Variants in CLDN2 observed in about 807,000 individuals in gnomAD.
CLDN2 encodes the protein claudin 2.
A neutral mutation model predicts 8.2 loss-of-function variants in CLDN2; 1 was observed. The ratio of observed to expected loss-of-function variants is 0.12; its 90% CI spans 0.04 to 0.58. The LOEUF (loss-of-function observed/expected upper bound fraction) is 0.58, where lower values mean the gene tolerates loss of function less well. Among genes scored for constraint, CLDN2 ranks in the 20% least tolerant of loss-of-function variants. CLDN2 has a pLI of 0.90. For synonymous variants in CLDN2, 70 were observed against 70.2 expected (o/e 1.00, Z 0.01); for missense variants, 108 against 172.9 (o/e 0.62, Z 2.11).
At chrX:106,915,652 A>G (rs1444493645), upstream of CLDN2, among the ~76,000 whole-genome samples, 2 of 111,260 alleles carry the variant, frequency 1.8e-5, no homozygotes, top group African/African-American at 3.3e-5. Context: ...AAGTCTGTGC[A>G]TTAGTGCTTA....
intron 1 of CLDN2, among the ~76,000 whole-genome samples, chrX:106,926,970 C>T (rs1197714712): frequency 9.3e-6 from 1 of 107,318 alleles, no homozygotes; most frequent in East Asian, 3.0e-4. Context: ...GTAGTCCCAG[C>T]TACTTGTGGG....
chrX:106,921,945 A>C (rs1219374879), intron 1 of CLDN2, among the ~76,000 whole-genome samples: 3 of 112,272 alleles, frequency 2.7e-5, no homozygotes, highest in African/African-American at 9.7e-5. Flanking sequence ...GCTGCTTCTA[A>C]TAACAGCTCT....
chrX:106,928,526 G>T lies in CLDN2; in HGVS notation c.298G>T (p.Val100Leu), dbSNP rs1285034346. 1.3e-5 allele frequency: 16 copies of T among 1,211,646 alleles called. No homozygotes were observed. The highest frequency in any genetic ancestry group is 1.7e-5 in the Non-Finnish European group (15 of 895,508). The change falls in exon 2 of 2, where the codon GTG becomes TTG. Residue 100 changes from valine to leucine, a missense_variant. Coordinates refer to ENST00000336803, the MANE Select transcript of CLDN2 (RefSeq NM_020384.4). ...ISSLACIISVVGMRCTVFCQE... is the reference protein window; with the variant it reads ...ISSLACIISVLGMRCTVFCQE... ...CTCCCTGGCCTGCATTATCTCTGTG[G>T]TGGGCATGAGATGCACAGTCTTCTG... is the stretch of plus-strand genomic sequence containing the variant.
chrX:106,914,424 TA>T (rs930515109), upstream of CLDN2, among the ~76,000 whole-genome samples: 1 of 111,247 alleles, frequency 9.0e-6, no homozygotes, highest in Non-Finnish European at 1.9e-5. Context: ...GAATTCTGCC[TA>T]AAAGGACTAT....
chrX:106,927,038 ATGCCAC>A (rs1248021945), intron 1 of CLDN2, among the ~76,000 whole-genome samples: 2 of 111,459 alleles, frequency 1.8e-5, no homozygotes, highest in Non-Finnish European at 3.8e-5. Flanking sequence ...AGCCGAGATC[ATGCCAC>A]TGCACTCCAG....
chrX:106,906,606 T>A (rs1039786978), intron 1 of CLDN2, among the ~76,000 whole-genome samples: 1 of 111,204 alleles, frequency 9.0e-6, no homozygotes, highest in African/African-American at 3.3e-5. Flanking sequence ...CTCAGTGCCA[T>A]GCCCCACTCC....
chrX:106,906,979 G>A (rs1034140063), intron 1 of CLDN2, among the ~76,000 whole-genome samples: 4 of 110,393 alleles, frequency 3.6e-5, no homozygotes, highest in Admixed American at 9.7e-5. Flanking sequence ...CAAATTTGTT[G>A]AAAGTAGTCT....
Position 106,922,639 on chromosome X carries a change from C to G in CLDN2, c.-179+2088C>G, listed in dbSNP as rs968444709. Among the ~76,000 whole-genome samples, 4 of 112,155 alleles carry G rather than the reference C, an allele frequency of 3.6e-5. No homozygotes were observed. In the Middle Eastern group the frequency reaches 0.018, roughly 517 times the overall value. Reference sequence around the variant, plus strand: ...GGAGGAAGAAAGGAAAAGTATTGAACCCAGCCTGGGTGAGGAGCAGGGAGG... The same window carrying G: ...GGAGGAAGAAAGGAAAAGTATTGAAGCCAGCCTGGGTGAGGAGCAGGGAGG... On this transcript the variant is annotated intron_variant, in intron 1 of 1. Transcript: ENST00000336803.
rs774565639 is a variant in CLDN2, at chrX:106,928,514, A to T, written c.286A>T (p.Ile96Phe). The change falls in exon 2 of 2, where the codon ATT becomes TTT. Residue 96 changes from isoleucine (I) to phenylalanine (F), a missense_variant. Physicochemically the swap from Ile to Phe is conservative, Grantham distance 21. Transcript: ENST00000336803. ...TSSAISSLAC[I>F]ISVVGMRCTV... ...CAGTGCAATCTCCTCCCTGGCCTGC[A>T]TTATCTCTGTGGTGGGCATGAGATG... 1 of 1,211,072 alleles carries T rather than the reference A, an allele frequency of 8.3e-7. No homozygotes were observed. The highest frequency in any genetic ancestry group is 1.1e-6 in the Non-Finnish European group (1 of 895,321).
rs1489300232 is a variant in CLDN2, at chrX:106,923,461, A to G, written c.-179+2910A>G. Among the ~76,000 whole-genome samples the G allele has an allele frequency of 5.3e-5, 6 of 112,423 alleles. No individual in the cohort carries two copies. The East Asian group carries it at 1.7e-3, about 31-fold the overall frequency. On this transcript the variant is annotated intron_variant, in intron 1 of 1. Coordinates refer to ENST00000336803, the MANE Select transcript of CLDN2 (RefSeq NM_020384.4). ...AATAGACAAGAAACGATGGTTGCAT[A>G]GTCTGAACTATGGTTTAGGGCAGTG...
upstream of CLDN2, among the ~76,000 whole-genome samples, chrX:106,919,712 G>A (rs367715583): frequency 4.4e-5 from 5 of 112,553 alleles, no homozygotes; most frequent in Admixed American, 1.9e-4. Context: ...TCGAACTCCT[G>A]ACCTCAGGTG....
At chrX:106,927,939 C>A in intron 1 of CLDN2, 112 bp from the exon 2 acceptor site, 71 of 177,064 alleles carry the variant, frequency 4.0e-4, no homozygotes, top group East Asian at 9.2e-4. Flanking sequence ...TTTTTTTTTT[C>A]CTTTCTCATG....
At chrX:106,900,781 C>A (rs1397201137) in intron 1 of CLDN2, 2 of 1,209,263 alleles carry the variant, frequency 1.7e-6, no homozygotes, top group Admixed American at 4.4e-5. Context: ...TGCTCTTCAT[C>A]TTCCTCTTCT....
At chrX:106,927,767 G>A (rs1359585954) in intron 1 of CLDN2, among the ~76,000 whole-genome samples, 1 of 112,126 alleles carries the variant, frequency 8.9e-6, no homozygotes, top group Non-Finnish European at 1.9e-5. Context: ...AGCAGGCCTT[G>A]GAGACTAGCA....
chrX:106,907,750 A>AAT (rs1933199739), intron 1 of CLDN2, among the ~76,000 whole-genome samples: 1 of 106,230 alleles, frequency 9.4e-6, no homozygotes, highest in East Asian at 3.0e-4. Flanking sequence ...ATAATAATAA[A>AAT]GGACTCTCCT....
chrX:106,909,414 A>G (rs1200333754), intron 1 of CLDN2, among the ~76,000 whole-genome samples: 1 of 111,277 alleles, frequency 9.0e-6, no homozygotes, highest in Non-Finnish European at 1.9e-5. Flanking sequence ...GTGAGAGCCT[A>G]GGCCAGCGGG....
intron 1 of CLDN2, among the ~76,000 whole-genome samples, chrX:106,925,470 A>G (rs1170380563): frequency 3.6e-5 from 4 of 112,574 alleles, no homozygotes; most frequent in South Asian, 7.3e-4. Flanking sequence ...AACTGGAAGT[A>G]ATTTAATTCC....
intron 1 of CLDN2, among the ~76,000 whole-genome samples, chrX:106,906,830 A>C (rs1363274816): frequency 9.0e-6 from 1 of 111,229 alleles, no homozygotes; most frequent in African/African-American, 3.3e-5. Flanking sequence ...CTGATTATAA[A>C]ATGCCTGTCT....
Position 106,928,985 on chromosome X carries a change from G to A in CLDN2, c.*64G>A, listed in dbSNP as rs1933509379. On this transcript the variant is annotated 3_prime_UTR_variant, in exon 2 of 2. Transcript: ENST00000336803. ...GAAAAACAGTGGACAGCACCCCGAG[G>A]GCCACAGGTGAGGGACACTACCACT... The A allele has an allele frequency of 2.1e-6, 2 of 948,177 alleles. No homozygotes were observed. Among genetic ancestry groups the A allele is most frequent in the South Asian group, 2.3e-5 (1 of 44,337 alleles). The allele number at this position is 948,177 out of a possible 1,213,427, so 78.1% of individuals were successfully genotyped here. A position where few individuals can be genotyped will look rare whatever the true frequency, so the allele number is the denominator to read the frequency against.
Sources: allele counts gnomAD v4.1 joint callset (sites outside exome capture counted in the v4.1 genomes callset), GRCh38; gene constraint gnomAD v4.1.1; transcripts MANE v1.5; gene names NCBI Gene and HGNC (gene_info 2026-07-23, HGNC 2026-07-21).